The following GPC5 variants were observed in gnomAD, a reference collection of about 807,000 sequenced individuals.
The protein encoded by GPC5 is glypican 5.
A neutral mutation model predicts 53.9 loss-of-function variants in GPC5; 47 were observed. That is an observed-to-expected ratio of 0.87 (90% CI 0.69 to 1.11). GPC5 has a LOEUF of 1.11. GPC5 is among the 50% of genes most tolerant of loss of function. GPC5 has a pLI of 0.00. For missense variants in GPC5, 748 were observed against 713.1 expected, an observed-to-expected ratio of 1.05 and a Z score of -0.56; for synonymous variants, 286 against 263.3, an observed-to-expected ratio of 1.09 and a Z score of -0.84.
At chr13:92,530,869 G>A (rs910233737) in intron 7 of GPC5, among the ~76,000 whole-genome samples, 2 of 152,056 alleles carry the variant, frequency 1.3e-5, no homozygotes, top group Non-Finnish European at 2.9e-5. Context: ...CATAAATGAC[G>A]ATCTTCCTCT....
intron 7 of GPC5, among the ~76,000 whole-genome samples, chr13:92,397,353 T>C (rs1297188626): frequency 6.6e-6 from 1 of 152,214 alleles, no homozygotes; most frequent in Non-Finnish European, 1.5e-5. Context: ...AAACACCTTT[T>C]ACTTGGCTCT....
intron 2 of GPC5, among the ~76,000 whole-genome samples, chr13:91,640,700 G>T (rs921730745): frequency 6.6e-6 from 1 of 151,944 alleles, no homozygotes; most frequent in African/African-American, 2.4e-5. Flanking sequence ...TCAGGAGTCT[G>T]AGGCAGGAGA....
chr13:91,835,535 C>A (rs1476180468), intron 5 of GPC5, among the ~76,000 whole-genome samples: 4 of 152,152 alleles, frequency 2.6e-5, no homozygotes, highest in Non-Finnish European at 4.4e-5. Context: ...CACATATACA[C>A]CATGGAATAC....
chr13:92,616,996 T>C (rs534173885), intron 7 of GPC5, among the ~76,000 whole-genome samples: 1 of 152,334 alleles, frequency 6.6e-6, no homozygotes, highest in South Asian at 2.1e-4. Context: ...TGTTTCATTA[T>C]ATTAAAAAGC....
chr13:92,518,906 T>C (rs1418416927), intron 7 of GPC5, among the ~76,000 whole-genome samples: 1 of 152,070 alleles, frequency 6.6e-6, no homozygotes, highest in African/African-American at 2.4e-5. Context: ...GAGACACACA[T>C]AGGCTCAAAA....
Position 91,436,511 on chromosome 13 carries a change from T to G in GPC5, c.164-12250T>G, listed in dbSNP as rs1879978511. ...GTTGAGAGGTTTTGAGGGAGTTTCTTAATCCTGAGTTCTAGTTTGATTGCA... is the reference window on the plus strand; with the variant it reads ...GTTGAGAGGTTTTGAGGGAGTTTCTGAATCCTGAGTTCTAGTTTGATTGCA... On this transcript the variant is annotated intron_variant, in intron 1 of 7. Coordinates refer to ENST00000377067, the MANE Select transcript of GPC5 (RefSeq NM_004466.6). Among the ~76,000 whole-genome samples, 3 of 152,232 alleles carry G rather than the reference T, an allele frequency of 2.0e-5. No individual in the cohort carries two copies. In the South Asian group the frequency reaches 6.2e-4, roughly 32 times the overall value.
At chr13:92,750,440 A>T (rs961080905) in intron 7 of GPC5, among the ~76,000 whole-genome samples, 1 of 152,166 alleles carries the variant, frequency 6.6e-6, no homozygotes, top group Non-Finnish European at 1.5e-5. Flanking sequence ...ACAATGCTGG[A>T]AGAGGAAAAG....
chr13:91,941,210 G>A (rs929790874), intron 6 of GPC5, among the ~76,000 whole-genome samples: 2 of 152,006 alleles, frequency 1.3e-5, no homozygotes, highest in South Asian at 2.1e-4. Context: ...TGGTCTATGT[G>A]TCTGCTTTTG....
At chr13:91,531,263 A>G (rs1020667933) in intron 2 of GPC5, among the ~76,000 whole-genome samples, 1 of 152,192 alleles carries the variant, frequency 6.6e-6, no homozygotes, top group South Asian at 2.1e-4. Flanking sequence ...ATAGTGGTCC[A>G]TTGTTTTACT....
chr13:92,812,698 C>T lies in GPC5; in HGVS notation c.1562-53584C>T, dbSNP rs548638195. Reference sequence around the variant, plus strand: ...TATTTTCAGATAACATGATCCTATGCATAGAAAGTCCTAAAACATCCACAA... The same window carrying T: ...TATTTTCAGATAACATGATCCTATGTATAGAAAGTCCTAAAACATCCACAA... On this transcript the variant is annotated intron_variant, in intron 7 of 7. Transcript: ENST00000377067. Among the ~76,000 whole-genome samples the T allele has an allele frequency of 7.9e-5, 12 of 151,790 alleles. No individual in the cohort carries two copies. The South Asian group carries it at 2.5e-3, about 31-fold the overall frequency.
chr13:91,829,772 C>T (rs536205658), intron 5 of GPC5, among the ~76,000 whole-genome samples: 2 of 151,998 alleles, frequency 1.3e-5, no homozygotes, highest in South Asian at 4.2e-4. Context: ...CGGTAGGTTC[C>T]GTGATGCCCC....
intron 7 of GPC5, among the ~76,000 whole-genome samples, chr13:92,326,034 A>G (rs12876115): frequency 0.13 from 19,273 of 152,058 alleles, 1,324 homozygotes; most frequent in Middle Eastern, 0.2. Flanking sequence ...GACTTTCTAG[A>G]GTCAGTTTGA....
chr13:92,523,903 T>C (rs1345752357), intron 7 of GPC5, among the ~76,000 whole-genome samples: 2 of 152,118 alleles, frequency 1.3e-5, no homozygotes, highest in Non-Finnish European at 2.9e-5. Context: ...TCTAATAAAA[T>C]GTGTATGTAT....
intron 6 of GPC5, among the ~76,000 whole-genome samples, chr13:91,930,084 G>A (rs1479467537): frequency 1.3e-5 from 2 of 152,054 alleles, no homozygotes; most frequent in African/African-American, 2.4e-5. Context: ...AAGTGAAAAT[G>A]TAGATCCCTT....
chr13:92,144,760 G>C (rs1387425227), intron 6 of GPC5, 70 bp from the exon 7 acceptor site: 8 of 1,448,820 alleles, frequency 5.5e-6, no homozygotes, highest in Non-Finnish European at 7.6e-6. Flanking sequence ...TTCTAAATAA[G>C]TTTTCTGAAT....
chr13:92,796,894 C>G (rs567013015), intron 7 of GPC5, among the ~76,000 whole-genome samples: 1 of 151,822 alleles, frequency 6.6e-6, no homozygotes, highest in African/African-American at 2.4e-5. Context: ...TATATAAAGG[C>G]TGTTATATTT....
intron 7 of GPC5, among the ~76,000 whole-genome samples, chr13:92,244,749 C>A (rs1191082029): frequency 2.0e-5 from 3 of 151,924 alleles, no homozygotes; most frequent in Non-Finnish European, 2.9e-5. Context: ...GTTAAAATTG[C>A]ATATTGTTGG....
intron 7 of GPC5, among the ~76,000 whole-genome samples, chr13:92,743,072 T>A (rs1402978345): frequency 6.6e-6 from 1 of 151,960 alleles, no homozygotes; most frequent in African/African-American, 2.4e-5. Flanking sequence ...CAGGCTCTTT[T>A]TTGGTTCCAC....
intron 7 of GPC5, among the ~76,000 whole-genome samples, chr13:92,235,948 A>G (rs2042566468): frequency 6.6e-6 from 1 of 152,076 alleles, no homozygotes; most frequent in African/African-American, 2.4e-5. Context: ...TTTTCCTTTG[A>G]AACATTTACT....
Sources: gnomAD v4.1 joint callset for allele counts (sites outside exome capture counted in the v4.1 genomes callset) on GRCh38, gnomAD v4.1.1 for gene constraint, MANE v1.5 for transcripts, NCBI Gene and HGNC (gene_info 2026-07-23, HGNC 2026-07-21) for gene names.